The following RBFOX1 variants were observed in gnomAD, a reference collection of about 807,000 sequenced individuals.
The protein encoded by RBFOX1 is RNA binding fox-1 homolog 1.
A neutral mutation model predicts 57.7 loss-of-function variants in RBFOX1; 8 were observed. That is an observed-to-expected ratio of 0.14 (90% CI 0.08 to 0.25). The LOEUF is 0.25. Ranked by LOEUF, RBFOX1 falls within the 10% of genes least tolerant of loss-of-function variation. The pLI is 1.00. For synonymous variants in RBFOX1, 326 were observed against 222.4 expected, an observed-to-expected ratio of 1.47 and a Z score of -4.15; for missense variants, 611 against 548.5, an observed-to-expected ratio of 1.11 and a Z score of -1.14.
At chr16:6,453,724 T>C (rs181043334) in intron 2 of RBFOX1, among the ~76,000 whole-genome samples, 30 of 152,350 alleles carry the variant, frequency 2.0e-4, no homozygotes, top group Admixed American at 1.6e-3. Flanking sequence ...TTCACTGGTG[T>C]TGTCTGTAAT....
chr16:6,000,032 G>T (rs1384530111), intron 4 of RBFOX1, among the ~76,000 whole-genome samples: 2 of 152,042 alleles, frequency 1.3e-5, no homozygotes, highest in Non-Finnish European at 2.9e-5. Context: ...TGTTTTTTAG[G>T]CAGGCTGTGT....
intron 4 of RBFOX1, among the ~76,000 whole-genome samples, chr16:7,400,577 C>T (rs1182964926): frequency 1.3e-5 from 2 of 152,188 alleles, no homozygotes; most frequent in Non-Finnish European, 2.9e-5. Context: ...GTATTACCAT[C>T]TCCCAGCAAG....
chr16:6,521,902 C>G (rs1019993525), intron 2 of RBFOX1, among the ~76,000 whole-genome samples: 3 of 152,046 alleles, frequency 2.0e-5, no homozygotes, highest in Non-Finnish European at 4.4e-5. Context: ...GTGTTTGGGT[C>G]TTGTTGAATT....
chr16:6,712,407 G>A (rs1470380538), intron 3 of RBFOX1, among the ~76,000 whole-genome samples: 2 of 151,994 alleles, frequency 1.3e-5, no homozygotes, highest in African/African-American at 4.8e-5. Context: ...TAATGACTGG[G>A]CCACAGTAAT....
At chr16:7,299,559 C>T (rs1053653962) in intron 4 of RBFOX1, among the ~76,000 whole-genome samples, 2 of 152,194 alleles carry the variant, frequency 1.3e-5, no homozygotes, top group East Asian at 3.9e-4. Flanking sequence ...AAGCCCTTTA[C>T]TCTGAAAAAG....
chr16:7,274,949 G>T (rs1020557855), intron 4 of RBFOX1, among the ~76,000 whole-genome samples: 1 of 152,084 alleles, frequency 6.6e-6, no homozygotes, highest in East Asian at 1.9e-4. Flanking sequence ...CTCCCAAAGT[G>T]CTGGAATTAG....
At chr16:7,644,748 C>G (rs1009694) in intron 11 of RBFOX1, among the ~76,000 whole-genome samples, 62,991 of 151,714 alleles carry the variant, frequency 0.42, 13,862 homozygotes, top group African/African-American at 0.57. Context: ...TTGAAATCAA[C>G]TCAGGTGATA....
intron 3 of RBFOX1, among the ~76,000 whole-genome samples, chr16:5,701,286 A>G (rs1394676716): frequency 6.6e-6 from 1 of 152,216 alleles, no homozygotes; most frequent in Non-Finnish European, 1.5e-5. Flanking sequence ...GGTTATGAAG[A>G]CCTTGAATTC....
chr16:5,852,087 A>T (rs555929111), intron 3 of RBFOX1, among the ~76,000 whole-genome samples: 3 of 152,190 alleles, frequency 2.0e-5, no homozygotes, highest in Admixed American at 6.5e-5. Context: ...AGTACTGAGA[A>T]CAGCCTGCAG....
At chr16:5,283,735 T>C (rs557419205) in intron 1 of RBFOX1, among the ~76,000 whole-genome samples, 1 of 152,322 alleles carries the variant, frequency 6.6e-6, no homozygotes, top group Admixed American at 6.5e-5. Context: ...TATACCCCCA[T>C]TGTATCTAGG....
In RBFOX1 at chr16:6,712,260, G is replaced by C. The variant is rs188763217; in HGVS notation, c.-16+57610G>C. Among the ~76,000 whole-genome samples, 26 of 152,262 alleles carry C rather than the reference G, an allele frequency of 1.7e-4. No homozygotes were observed. The Middle Eastern group carries it at 0.01, about 60-fold the overall frequency. ...ATGGAACTCTGCTATGAACCCTTAA[G>C]TGTCAATGCCATCAGTCTACAAGGT... On this transcript the variant is annotated intron_variant, in intron 3 of 15. Transcript: ENST00000550418.
intron 5 of RBFOX1, 111 bp downstream of exon 5, chr16:7,518,500 A>G (rs2076861966): frequency 7.0e-7 from 1 of 1,437,736 alleles, no homozygotes; most frequent in Admixed American, 2.3e-5. Flanking sequence ...GAAACAGATC[A>G]GTCCCTAAGC....
intron 4 of RBFOX1, among the ~76,000 whole-genome samples, chr16:7,393,511 A>G (rs908940196): frequency 6.6e-6 from 1 of 152,170 alleles, no homozygotes; most frequent in Admixed American, 6.5e-5. Context: ...CCTAGGGATA[A>G]TGCCATGCCT....
At chr16:7,367,748 A>G (rs1468465111) in intron 4 of RBFOX1, among the ~76,000 whole-genome samples, 11 of 152,198 alleles carry the variant, frequency 7.2e-5, no homozygotes, top group African/African-American at 4.8e-5. Context: ...TTTCAATGCA[A>G]TAGTGCAGGC....
chr16:6,696,142 G>T (rs952160222), intron 3 of RBFOX1, among the ~76,000 whole-genome samples: 2 of 152,158 alleles, frequency 1.3e-5, no homozygotes, highest in Admixed American at 6.5e-5. Flanking sequence ...CCTATACTGC[G>T]TGTTTTTGTA....
At chr16:6,210,325 A>C (rs1461821416) in intron 1 of RBFOX1, among the ~76,000 whole-genome samples, 1 of 117,284 alleles carries the variant, frequency 8.5e-6, no homozygotes, top group Non-Finnish European at 1.8e-5. Flanking sequence ...CTGAAAAAAA[A>C]AAACAAAAAA....
chr16:6,980,485 T>A (rs568220735), intron 3 of RBFOX1, among the ~76,000 whole-genome samples: 1 of 152,204 alleles, frequency 6.6e-6, no homozygotes, highest in Non-Finnish European at 1.5e-5. Context: ...TTCTGGTGTT[T>A]GTTTGCATTC....
intron 3 of RBFOX1, among the ~76,000 whole-genome samples, chr16:7,002,874 G>T (rs535693431): frequency 1.3e-5 from 2 of 152,164 alleles, no homozygotes; most frequent in Non-Finnish European, 2.9e-5. Context: ...GATACACTCA[G>T]CGTGTTAAGA....
intron 1 of RBFOX1, among the ~76,000 whole-genome samples, chr16:6,116,097 A>T (rs2096493500): frequency 6.6e-6 from 1 of 152,220 alleles, no homozygotes; most frequent in Admixed American, 6.5e-5. Flanking sequence ...GCCATAAAAA[A>T]GGATGAGTTC....
Sources: allele counts gnomAD v4.1 joint callset (sites outside exome capture counted in the v4.1 genomes callset), GRCh38; gene constraint gnomAD v4.1.1; transcripts MANE v1.5; gene names NCBI Gene and HGNC (gene_info 2026-07-23, HGNC 2026-07-21).